The following PRKAG2 variants were observed in gnomAD, a reference collection of about 807,000 sequenced individuals.
The protein encoded by PRKAG2 is 5'-AMP-activated protein kinase subunit gamma-2.
Under a neutral mutation model 69.6 loss-of-function variants are expected in PRKAG2, and 26 were observed. That is an observed-to-expected ratio of 0.37 (90% CI 0.27 to 0.52). The LOEUF is 0.52. Ranked by LOEUF, PRKAG2 falls within the 20% of genes least tolerant of loss-of-function variation. The pLI, the probability that PRKAG2 is intolerant of heterozygous loss-of-function variation, is 0.90. For missense variants in PRKAG2, 557 were observed against 740.0 expected (o/e 0.75, Z 2.87); for synonymous variants, 293 against 285.0 (o/e 1.03, Z -0.28).
chr7:151,705,380 T>C (rs142812553), intron 3 of PRKAG2, among the ~76,000 whole-genome samples: 3 of 152,154 alleles, frequency 2.0e-5, no homozygotes, highest in Admixed American at 1.3e-4. Flanking sequence ...TGTACATGGA[T>C]TGGAAATTAA....
rs372612064 is a variant in PRKAG2, at chr7:151,568,699, C to T, written c.1233+17G>A. 45 of 1,612,420 alleles carry T rather than the reference C, an allele frequency of 2.8e-5. No individual in the cohort carries two copies. The highest frequency in any genetic ancestry group is 1.3e-4 in the South Asian group (12 of 91,010). ...GTAAATGCAATTATGTCTTTAGAAACGCTAAAAACTACTTACAAAAAGCTG... is the reference window on the plus strand; with the variant it reads ...GTAAATGCAATTATGTCTTTAGAAATGCTAAAAACTACTTACAAAAAGCTG... On this transcript the variant is annotated intron_variant, in intron 11 of 15. Coordinates refer to ENST00000287878, the MANE Select transcript of PRKAG2 (RefSeq NM_016203.4).
intron 6 of PRKAG2, among the ~76,000 whole-genome samples, chr7:151,585,592 C>T (rs777093544): frequency 2.6e-5 from 4 of 152,192 alleles, no homozygotes; most frequent in Non-Finnish European, 5.9e-5. Context: ...TCTCTTCTGT[C>T]CTTGATGCCA....
At chr7:151,831,301 C>T (rs2151875335) in intron 1 of PRKAG2, among the ~76,000 whole-genome samples, 2 of 152,292 alleles carry the variant, frequency 1.3e-5, no homozygotes, top group Middle Eastern at 3.4e-3. Context: ...TTTATAGCAA[C>T]ATTATTCATA....
intron 1 of PRKAG2, among the ~76,000 whole-genome samples, chr7:151,813,800 G>C (rs1326949756): frequency 6.6e-6 from 1 of 152,144 alleles, no homozygotes; most frequent in Non-Finnish European, 1.5e-5. Context: ...CACAACTTCA[G>C]CAAGCAAGTA....
At chr7:151,745,323 G>A (rs761999752) in intron 3 of PRKAG2, among the ~76,000 whole-genome samples, 1 of 152,194 alleles carries the variant, frequency 6.6e-6, no homozygotes, top group Non-Finnish European at 1.5e-5. Context: ...CCTGCCGGTT[G>A]CAAAATACTG....
intron 11 of PRKAG2, among the ~76,000 whole-genome samples, chr7:151,566,097 C>T (rs1806197793): frequency 6.6e-6 from 1 of 152,166 alleles, no homozygotes; most frequent in South Asian, 2.1e-4. Flanking sequence ...TTTAACTATT[C>T]ACAAACTATT....
chr7:151,578,201 T>A (rs557111848), intron 6 of PRKAG2, among the ~76,000 whole-genome samples: 2 of 151,652 alleles, frequency 1.3e-5, no homozygotes, highest in South Asian at 4.2e-4. Context: ...AAAAATTAGC[T>A]GGGCATGGTG....
At position 151,638,023 on chromosome 7, in the gene PRKAG2, C is replaced by T. The variant is rs1048489882; in HGVS notation, c.685-5885G>A. 2.6e-5 allele frequency among the ~76,000 whole-genome samples: 4 copies of T among 152,176 alleles called. No homozygotes were observed. Among genetic ancestry groups the T allele is most frequent in the African/African-American group, 7.2e-5 (3 of 41,420 alleles). On this transcript the variant is annotated intron_variant, in intron 4 of 15. Coordinates refer to ENST00000287878, the MANE Select transcript of PRKAG2 (RefSeq NM_016203.4). The surrounding 1 kb of genome is among the most constrained non-coding windows in gnomAD (Gnocchi z 4.3). ...GTGCACTTGTGACACCGACTCCTCT[C>T]TCAGTCCATCAGCATCAGGGATGTT... is the stretch of plus-strand genomic sequence containing the variant.
At chr7:151,869,737 G>C (rs2080168544) in intron 1 of PRKAG2, among the ~76,000 whole-genome samples, 1 of 152,242 alleles carries the variant, frequency 6.6e-6, no homozygotes, top group South Asian at 2.1e-4. Context: ...GTGCCCCACT[G>C]AGGACGACCC....
intron 1 of PRKAG2, among the ~76,000 whole-genome samples, chr7:151,797,367 G>A (rs2077606548): frequency 6.6e-6 from 1 of 152,042 alleles, no homozygotes; most frequent in Non-Finnish European, 1.5e-5. Flanking sequence ...TTTTTGTAAG[G>A]TCACCGAGTT....
chr7:151,620,174 A>G (rs1280568640), intron 5 of PRKAG2, among the ~76,000 whole-genome samples: 1 of 152,206 alleles, frequency 6.6e-6, no homozygotes, highest in Non-Finnish European at 1.5e-5. Flanking sequence ...TTAGCTACTT[A>G]AAGAAGTTTC....
At chr7:151,760,793 T>C (rs967799461) in intron 3 of PRKAG2, among the ~76,000 whole-genome samples, 3 of 152,146 alleles carry the variant, frequency 2.0e-5, no homozygotes, top group Admixed American at 2.0e-4. Context: ...GCCCCATCCC[T>C]CCTCCAGCCC....
chr7:151,576,375 A>C lies in PRKAG2; in HGVS notation c.942T>G (p.Phe314Leu). Residue 314 changes from phenylalanine to leucine, a missense_variant, in exon 7 of 16, where the codon TTT becomes TTG. Coordinates refer to ENST00000287878, the MANE Select transcript of PRKAG2 (RefSeq NM_016203.4). Reference sequence around the variant, plus strand: ...CCTCAGGCCCACACTGCTTACCTACAAAACTTTGTTTTTTACTCTCCCACA... The same window carrying C: ...CCTCAGGCCCACACTGCTTACCTACCAAACTTTGTTTTTTACTCTCCCACA... Reference protein sequence around the residue: ...APLWESKKQSFVGMLTITDFI... With the variant: ...APLWESKKQSLVGMLTITDFI... The C allele has an allele frequency of 6.2e-7, 1 of 1,602,710 alleles. No homozygotes were observed.
chr7:151,564,137 C>A lies in PRKAG2; in HGVS notation c.1525G>T (p.Val509Leu), dbSNP rs549954646. Residue 509 changes from valine to leucine, a missense_variant, in exon 14 of 16, where the codon GTG becomes TTG. By Grantham distance (32) the Val-to-Leu change is conservative. Coordinates refer to ENST00000287878, the MANE Select transcript of PRKAG2 (RefSeq NM_016203.4). The stretch of plus-strand genomic sequence containing the variant: ...AGTATTTCCAGCTTATTGCACTTCA[C>A]AACACCTTCAAAATACTGTGAACGG... ...QHRSQYFEGV[V>L]KCNKLEILET... is the part of the protein sequence containing the mutation. 6.2e-7 allele frequency: 1 copy of A among 1,614,188 alleles called. No individual in the cohort carries two copies. Among genetic ancestry groups the A allele is most frequent in the African/African-American group, 1.3e-5 (1 of 75,042 alleles).
intron 4 of PRKAG2, among the ~76,000 whole-genome samples, chr7:151,644,424 A>T (rs949956453): frequency 4.6e-5 from 7 of 152,192 alleles, no homozygotes; most frequent in Non-Finnish European, 1.0e-4. Flanking sequence ...AATTTTGTGT[A>T]TATGGAATCA....
At chr7:151,811,868 G>A (rs2078440124) in intron 1 of PRKAG2, among the ~76,000 whole-genome samples, 1 of 152,148 alleles carries the variant, frequency 6.6e-6, no homozygotes, top group Admixed American at 6.5e-5. Context: ...ACAGTTGGAG[G>A]GACAACTTTG....
intron 5 of PRKAG2, among the ~76,000 whole-genome samples, chr7:151,613,439 A>C (rs970877156): frequency 2.0e-5 from 3 of 152,168 alleles, no homozygotes; most frequent in Non-Finnish European, 4.4e-5. Context: ...TGATGCAAAT[A>C]CTCAAAAATC....
rs1027781745 is a variant in PRKAG2, at chr7:151,558,992, A to C, written c.1678+1532T>G. ...TGACATTCAGCCTGACCCGCTGGGCAGACTGTGTCCCGTGGTCCAGGGCTG... is the reference window on the plus strand; with the variant it reads ...TGACATTCAGCCTGACCCGCTGGGCCGACTGTGTCCCGTGGTCCAGGGCTG... On this transcript the variant is annotated intron_variant, in intron 15 of 15. Transcript: ENST00000287878. 1.0e-4 allele frequency: 99 copies of C among 985,354 alleles called. No individual in the cohort carries two copies. In the African/African-American group the frequency reaches 1.7e-3, roughly 17 times the overall value. 61.0% of individuals were successfully genotyped at this position (985,354 alleles called of 1,614,324 possible).
chr7:151,743,790 C>G (rs1283738302), intron 3 of PRKAG2, among the ~76,000 whole-genome samples: 1 of 152,210 alleles, frequency 6.6e-6, no homozygotes, highest in Non-Finnish European at 1.5e-5. Context: ...CTGGAGGACG[C>G]TTTTGTGGCT....
Sources: allele counts gnomAD v4.1 joint callset (sites outside exome capture counted in the v4.1 genomes callset), GRCh38; gene constraint gnomAD v4.1.1; non-coding constraint Gnocchi (gnomAD v3.1); transcripts MANE v1.5; gene names NCBI Gene and HGNC (gene_info 2026-07-23, HGNC 2026-07-21).